DCP1B: variants seen among roughly 807,000 people sequenced by gnomAD.
The protein encoded by DCP1B is decapping mRNA 1B, also known as mRNA-decapping enzyme 1B.
In DCP1B, 47 loss-of-function variants were observed where a neutral mutation model predicts 60.5. The observed-to-expected ratio is 0.78, with a 90% confidence interval of 0.61 to 0.99. The LOEUF (loss-of-function observed/expected upper bound fraction) is 0.99, where lower values mean the gene tolerates loss of function less well. Ranked by LOEUF, DCP1B falls within the 50% of genes least tolerant of loss-of-function variation. DCP1B has a pLI of 0.00. For missense variants in DCP1B, 725 were observed against 756.8 expected (o/e 0.96, Z 0.49); for synonymous variants, 267 against 280.3 (o/e 0.95, Z 0.47).
chr12:2,002,832 A>G (rs2154479598), intron 1 of DCP1B, among the ~76,000 whole-genome samples: 1 of 152,300 alleles, frequency 6.6e-6, no homozygotes, highest in East Asian at 1.9e-4. Flanking sequence ...TATATTTTTA[A>G]TTACCATGGA....
rs775221731 is a variant in DCP1B at position 2,004,439 on chromosome 12, C to T, written c.-8G>A. On this transcript the variant is annotated 5_prime_UTR_variant, in exon 1 of 9. Coordinates refer to ENST00000280665, the MANE Select transcript of DCP1B (RefSeq NM_152640.5). ...TGCCGCCACGGCTGCCATCTTCCCTCCCTCCCAGACATAGGCACGGGGCTC... is the reference window on the plus strand; with the variant it reads ...TGCCGCCACGGCTGCCATCTTCCCTTCCTCCCAGACATAGGCACGGGGCTC... 71 of 1,604,114 alleles carry T rather than the reference C, an allele frequency of 4.4e-5. No individual in the cohort carries two copies. Among genetic ancestry groups the T allele is most frequent in the Non-Finnish European group, 5.7e-5 (67 of 1,175,500 alleles).
At chr12:2,002,551 G>C (rs1434945529) in intron 1 of DCP1B, among the ~76,000 whole-genome samples, 1 of 152,192 alleles carries the variant, frequency 6.6e-6, no homozygotes, top group Non-Finnish European at 1.5e-5. Flanking sequence ...ATAAACATCT[G>C]TAACTATCTT....
At chr12:1,978,026 G>A (rs192384618) in intron 3 of DCP1B, among the ~76,000 whole-genome samples, 3 of 152,250 alleles carry the variant, frequency 2.0e-5, no homozygotes, top group Admixed American at 6.5e-5. Context: ...CTAGGAAATT[G>A]ACATTTAAAA....
intron 3 of DCP1B, among the ~76,000 whole-genome samples, chr12:1,979,367 TG>T (rs2035437139): frequency 6.6e-6 from 1 of 152,036 alleles, no homozygotes; most frequent in Non-Finnish European, 1.5e-5. Context: ...CAGGCTGGAG[TG>T]CAGTGGTGCC....
At chr12:1,987,143 G>A (rs1242598504) in intron 3 of DCP1B, among the ~76,000 whole-genome samples, 1 of 152,182 alleles carries the variant, frequency 6.6e-6, no homozygotes, top group Admixed American at 6.5e-5. Flanking sequence ...CAAACGATTT[G>A]TTAATACAAA....
At chr12:1,969,883 T>G (rs2031787120) in intron 3 of DCP1B, among the ~76,000 whole-genome samples, 1 of 152,140 alleles carries the variant, frequency 6.6e-6, no homozygotes, top group South Asian at 2.1e-4. Flanking sequence ...GGTTATAGTG[T>G]AAGTTTTCTT....
rs143505842 is a variant in DCP1B at position 1,955,511 on chromosome 12, T to C, written c.572A>G (p.Tyr191Cys). The C allele has an allele frequency of 5.6e-6, 9 of 1,613,848 alleles. No individual in the cohort carries two copies. Among genetic ancestry groups the C allele is most frequent in the African/African-American group, 1.3e-5 (1 of 74,922 alleles). Reference protein sequence around the residue: ...PKKITSSSAIYDNPNLIKPIP... With the variant: ...PKKITSSSAICDNPNLIKPIP... ...TGGTTTGATGAGATTTGGATTGTCA[T>C]AGATGGCAGAGGAACTGGTTATCTT... The change falls in exon 6 of 9, where the codon TAT becomes TGT. Residue 191 changes from tyrosine (Y) to cysteine (C), a missense_variant. By Grantham distance (194) the Tyr-to-Cys change is radical. Transcript: ENST00000280665.
downstream of DCP1B, among the ~76,000 whole-genome samples, chr12:1,943,639 A>T (rs1204105019): frequency 1.3e-5 from 2 of 152,296 alleles, no homozygotes; most frequent in East Asian, 3.9e-4. Context: ...TTCAACATAC[A>T]CAAACCAATA....
chr12:1,989,720 A>G (rs1374802803), intron 3 of DCP1B, among the ~76,000 whole-genome samples: 1 of 152,252 alleles, frequency 6.6e-6, no homozygotes, highest in Non-Finnish European at 1.5e-5. Flanking sequence ...TCTCAATTGA[A>G]AAAGCAAGAA....
At chr12:1,990,797 C>A (rs955310986) in intron 3 of DCP1B, among the ~76,000 whole-genome samples, 3 of 152,088 alleles carry the variant, frequency 2.0e-5, no homozygotes, top group Non-Finnish European at 4.4e-5. Context: ...AACATGTAAA[C>A]CATACATAAT....
intron 5 of DCP1B, among the ~76,000 whole-genome samples, chr12:1,959,211 A>G (rs527257988): frequency 7.2e-5 from 11 of 152,374 alleles, no homozygotes; most frequent in African/African-American, 2.6e-4. Flanking sequence ...GACCCTAAGG[A>G]CAGGCAACAA....
chr12:1,981,975 T>C (rs751480250), intron 3 of DCP1B, among the ~76,000 whole-genome samples: 5 of 152,196 alleles, frequency 3.3e-5, no homozygotes, highest in Non-Finnish European at 5.9e-5. Flanking sequence ...GCAGCAGATG[T>C]GATCTGAAAG....
chr12:1,997,892 TA>T, intron 2 of DCP1B, 42 bp downstream of exon 2: 1 of 1,499,626 alleles, frequency 6.7e-7, no homozygotes, highest in Admixed American at 1.9e-5. Context: ...GCTAAAATAT[TA>T]TTTTGAAGAT....
At chr12:1,954,800 G>C (rs1487888555) in intron 6 of DCP1B, among the ~76,000 whole-genome samples, 1 of 152,080 alleles carries the variant, frequency 6.6e-6, no homozygotes, top group Non-Finnish European at 1.5e-5. Flanking sequence ...AGAAGAATAT[G>C]GACCCAATGG....
At position 1,952,790 on chromosome 12, in the gene DCP1B, G is replaced by C. The variant is rs145371745; in HGVS notation, c.1150C>G (p.Arg384Gly). Residue 384 changes from arginine to glycine, a missense_variant, in exon 7 of 9, where the codon CGC (arginine) becomes GGC (glycine). By Grantham distance (125) the Arg-to-Gly change is moderately radical (BLOSUM62 -2). Transcript: ENST00000280665. ...GTGACAGAAGTGGGAGCTCTGCTGC[G>C]GTTCAGGGCAGCTGAGCTGGCAGGT... is the stretch of plus-strand genomic sequence containing the variant. ...PAPASSAALN[R>G]SRAPTSVTPV... The C allele has an allele frequency of 6.2e-7, 1 of 1,614,150 alleles. No homozygotes were observed. The highest frequency in any genetic ancestry group is 8.5e-7 in the Non-Finnish European group (1 of 1,180,038).
chr12:1,980,627 T>C (rs889626165), intron 3 of DCP1B, among the ~76,000 whole-genome samples: 2 of 124,566 alleles, frequency 1.6e-5, no homozygotes, highest in Non-Finnish European at 3.6e-5. Context: ...TTTTGTTTTA[T>C]AGTAAATGCT....
chr12:1,962,230 T>C lies in DCP1B; in HGVS notation c.522+3328A>G, dbSNP rs2031151091. 6.6e-6 allele frequency among the ~76,000 whole-genome samples: 1 copy of C among 152,142 alleles called. No individual in the cohort carries two copies. Among genetic ancestry groups the C allele is most frequent in the Non-Finnish European group, 1.5e-5 (1 of 68,022 alleles). ...TGGGATGATTAAGGCAGAGGAATAT[T>C]GTACAGGCCAGAGACGAGGAGATAC... On this transcript the variant is annotated intron_variant, in intron 5 of 8. Transcript: ENST00000280665. The surrounding 1 kb of genome is among the most constrained non-coding windows in gnomAD (Gnocchi z 4.4).
At chr12:1,976,797 A>G (rs2034504953) in intron 3 of DCP1B, among the ~76,000 whole-genome samples, 3 of 151,730 alleles carry the variant, frequency 2.0e-5, no homozygotes. Context: ...GACCCTCTAA[A>G]ACAATGTCTG....
At chr12:1,946,391 A>G in intron 8 of DCP1B, 105 bp from the exon 9 acceptor site, 1 of 767,380 alleles carries the variant, frequency 1.3e-6, no homozygotes, top group Non-Finnish European at 2.0e-6. Context: ...TGAGACACTC[A>G]TCTCTCCCTG....
Sources: gnomAD v4.1 joint callset for allele counts (sites outside exome capture counted in the v4.1 genomes callset) on GRCh38, gnomAD v4.1.1 for gene constraint, Gnocchi (gnomAD v3.1) non-coding constraint, MANE v1.5 for transcripts, NCBI Gene and HGNC (gene_info 2026-07-23, HGNC 2026-07-21) for gene names.